LRP1B: variants seen among roughly 807,000 people sequenced by gnomAD.
LRP1B encodes the protein low-density lipoprotein receptor-related protein 1B.
Under a neutral mutation model 556.6 loss-of-function variants are expected in LRP1B, and 217 were observed. That is an observed-to-expected ratio of 0.39 (90% CI 0.35 to 0.44). The LOEUF is 0.44. Ranked by LOEUF, LRP1B falls within the 20% of genes least tolerant of loss-of-function variation. The pLI is 1.00. For missense variants in LRP1B, 5,053 were observed against 5,620.8 expected (o/e 0.90, Z 3.23); for synonymous variants, 2,047 against 1,865.8 (o/e 1.10, Z -2.50).
chr2:141,217,532 C>A (rs1244122348), intron 6 of LRP1B, among the ~76,000 whole-genome samples: 1 of 151,942 alleles, frequency 6.6e-6, no homozygotes, highest in Non-Finnish European at 1.5e-5. Context: ...AACCAGCTAA[C>A]CATATGGAAA....
intron 3 of LRP1B, among the ~76,000 whole-genome samples, chr2:141,453,503 A>C (rs1033158140): frequency 6.6e-6 from 1 of 152,196 alleles, no homozygotes; most frequent in African/African-American, 2.4e-5. Flanking sequence ...CCTGCCATGC[A>C]ACAAATGCCT....
At chr2:140,803,250 C>A (rs373626468) in intron 32 of LRP1B, among the ~76,000 whole-genome samples, 13 of 137,860 alleles carry the variant, frequency 9.4e-5, no homozygotes, top group East Asian at 8.7e-4. Context: ...CAGTATTAGT[C>A]CTATTGAAAG....
chr2:142,014,249 C>T (rs770874029), intron 1 of LRP1B, among the ~76,000 whole-genome samples: 1 of 150,588 alleles, frequency 6.6e-6, no homozygotes, highest in Admixed American at 6.6e-5. Flanking sequence ...GATCGAAGAA[C>T]CCTCTCTTGG....
At chr2:141,737,877 A>C (rs1558839465) in intron 2 of LRP1B, among the ~76,000 whole-genome samples, 1 of 152,128 alleles carries the variant, frequency 6.6e-6, no homozygotes, top group Non-Finnish European at 1.5e-5. Flanking sequence ...ATTTCTTTTT[A>C]GTTTCCATAG....
chr2:141,546,088 C>A (rs937348339), intron 2 of LRP1B, among the ~76,000 whole-genome samples: 1 of 152,116 alleles, frequency 6.6e-6, no homozygotes, highest in East Asian at 1.9e-4. Context: ...ACTCCAGCCC[C>A]CAAACCTAGG....
Position 141,461,431 on chromosome 2 carries a change from A to C in LRP1B, c.343+18965T>G, listed in dbSNP as rs137914585. On this transcript the variant is annotated intron_variant, in intron 3 of 90. Transcript: ENST00000389484. ...ATGCTTAATAGAGATGAAAAGTAGT[A>C]GAAATGGAGACAATGAATGAAAGTG... Among the ~76,000 whole-genome samples, 28 of 152,344 alleles carry C rather than the reference A, an allele frequency of 1.8e-4. 1 individual carries two copies. In the East Asian group the frequency reaches 5.2e-3, roughly 28 times the overall value.
chr2:140,483,368 G>A (rs943860915), intron 59 of LRP1B, among the ~76,000 whole-genome samples: 1 of 151,638 alleles, frequency 6.6e-6, no homozygotes, highest in African/African-American at 2.4e-5. Flanking sequence ...AAAACCTAAA[G>A]CTATTAATAG....
chr2:140,335,571 G>C (rs1234334555), intron 78 of LRP1B, 44 bp downstream of exon 78: 1 of 1,143,888 alleles, frequency 8.7e-7, no homozygotes, highest in Non-Finnish European at 1.3e-6. Flanking sequence ...TTCTAAAAAG[G>C]ATATTCATTA....
intron 6 of LRP1B, among the ~76,000 whole-genome samples, chr2:141,207,850 A>G (rs941033045): frequency 6.6e-6 from 1 of 152,072 alleles, no homozygotes; most frequent in East Asian, 1.9e-4. Flanking sequence ...TTATTTTTGT[A>G]TATTTAGTAA....
chr2:141,549,208 C>T (rs916602017), intron 2 of LRP1B, among the ~76,000 whole-genome samples: 1 of 152,140 alleles, frequency 6.6e-6, no homozygotes, highest in Admixed American at 6.6e-5. Flanking sequence ...TCTGGGGCAG[C>T]AACTCTCAGT....
At chr2:141,982,849 A>G (rs1406727785) in intron 1 of LRP1B, among the ~76,000 whole-genome samples, 1 of 152,200 alleles carries the variant, frequency 6.6e-6, no homozygotes, top group East Asian at 1.9e-4. Context: ...ATTTAGAACA[A>G]TGTAGTATTT....
chr2:140,762,761 A>T (rs961563089), intron 35 of LRP1B, among the ~76,000 whole-genome samples: 4 of 152,148 alleles, frequency 2.6e-5, no homozygotes. Flanking sequence ...CTTTTCCTTT[A>T]CCTAGAATAT....
intron 75 of LRP1B, among the ~76,000 whole-genome samples, chr2:140,353,433 A>G (rs1024139971): frequency 2.0e-5 from 3 of 151,996 alleles, no homozygotes; most frequent in Non-Finnish European, 2.9e-5. Context: ...AACTTGTGCC[A>G]TGGGGGTTTG....
chr2:141,544,314 TTC>T (rs1373641504), intron 2 of LRP1B, among the ~76,000 whole-genome samples: 1 of 23,708 alleles, frequency 4.2e-5, no homozygotes, highest in African/African-American at 2.5e-4. Flanking sequence ...CTTCTTCTTC[TTC>T]TTCTTCTTCT....
rs190772913 is a variant in LRP1B, at chr2:141,213,161, G to A, written c.850+16022C>T. Among the ~76,000 whole-genome samples, 27 of 149,104 alleles carry A rather than the reference G, an allele frequency of 1.8e-4. No individual in the cohort carries two copies. The East Asian group carries it at 4.0e-3, about 22-fold the overall frequency. ...AAGATGAGGTCTTGCTATGTTGCCC[G>A]GGTTGGTCTTGAACCCCCAGGCTGA... On this transcript the variant is annotated intron_variant, in intron 6 of 90. Coordinates refer to ENST00000389484, the MANE Select transcript of LRP1B (RefSeq NM_018557.3).
chr2:141,289,655 CTCTT>C (rs1373651245), intron 3 of LRP1B, among the ~76,000 whole-genome samples: 1 of 152,078 alleles, frequency 6.6e-6, no homozygotes, highest in East Asian at 1.9e-4. Context: ...TTAGAATACT[CTCTT>C]TCTTACATGT....
rs1689583725 is a variant in LRP1B, at chr2:140,509,972, C to A, written c.8354G>T (p.Arg2785Met). ...CTCATCGCTTCCATCTGGACAGTCC[C>A]TTTCACCATCACAAAGCCAATGTCG... The part of the protein sequence containing the change: ...VPRHWLCDGE[R>M]DCPDGSDELS... The change falls in exon 52 of 91, where the codon AGG becomes ATG. Residue 2785 changes from arginine (R) to methionine (M), a missense_variant. This residue lies in a region of LRP1B where 3,619 missense variants were observed against 3,931.9 expected (regional missense o/e 0.92). Coordinates refer to ENST00000389484, the MANE Select transcript of LRP1B (RefSeq NM_018557.3). The A allele has an allele frequency of 6.2e-7, 1 of 1,614,022 alleles. No individual in the cohort carries two copies. The highest frequency in any genetic ancestry group is 1.7e-4 in the Middle Eastern group (1 of 5,922).
In LRP1B at chr2:141,943,804, A is replaced by G. The variant is rs57962631; in HGVS notation, c.83-133403T>C. On this transcript the variant is annotated intron_variant, in intron 1 of 90. Transcript: ENST00000389484. ...ATCTCCATCTTCCTGTCCCAGCATC[A>G]TAATGTAGGAAAATCCGGGTTCTTG... Among the ~76,000 whole-genome samples, 411 of 152,322 alleles carry G rather than the reference A, an allele frequency of 2.7e-3. 1 individual carries two copies. Among genetic ancestry groups the G allele is most frequent in the African/African-American group, 9.1e-3 (380 of 41,574 alleles).
intron 6 of LRP1B, among the ~76,000 whole-genome samples, chr2:141,214,717 A>C (rs569880599): frequency 6.6e-6 from 1 of 152,346 alleles, no homozygotes; most frequent in East Asian, 1.9e-4. Context: ...CATTGGTGTT[A>C]CGTCCCAAAA....
Sources: gnomAD v4.1 joint callset for allele counts (sites outside exome capture counted in the v4.1 genomes callset) on GRCh38, gnomAD v4.1.1 for gene constraint, gnomAD v4.1.1 regional missense constraint, MANE v1.5 for transcripts, NCBI Gene and HGNC (gene_info 2026-07-23, HGNC 2026-07-21) for gene names.